The following TRHDE variants were observed in gnomAD, a reference collection of about 807,000 sequenced individuals.
The protein encoded by TRHDE is thyrotropin-releasing hormone-degrading ectoenzyme.
TRHDE carries 72 observed loss-of-function variants against 125.7 expected under a neutral mutation model. The ratio of observed to expected loss-of-function variants is 0.57; its 90% CI spans 0.47 to 0.70. The LOEUF (loss-of-function observed/expected upper bound fraction) is 0.70. Ranked by LOEUF, TRHDE falls within the 30% of genes least tolerant of loss-of-function variation. The pLI is 0.00. For missense variants in TRHDE, 1,110 were observed against 1,327.1 expected (o/e 0.84, Z 2.54); for synonymous variants, 509 against 509.1 (o/e 1.00, Z 0.00).
chr12:72,633,279 T>A (rs1013679744), intron 15 of TRHDE, among the ~76,000 whole-genome samples: 3 of 152,056 alleles, frequency 2.0e-5, no homozygotes, highest in Admixed American at 6.6e-5. Context: ...TCTTTTCATA[T>A]AGAAAGAGCT....
intron 1 of TRHDE, among the ~76,000 whole-genome samples, chr12:72,103,193 G>A (rs1040166381): frequency 3.9e-5 from 6 of 152,130 alleles, no homozygotes; most frequent in Non-Finnish European, 8.8e-5. Flanking sequence ...TAGTGAGTTA[G>A]GATAAAAGTG....
At chr12:72,357,548 T>A (rs1870877794) in intron 2 of TRHDE, among the ~76,000 whole-genome samples, 1 of 151,558 alleles carries the variant, frequency 6.6e-6, no homozygotes, top group South Asian at 2.1e-4. Context: ...ATCTCCTCCT[T>A]TTTAAAGACT....
chr12:72,527,028 C>T (rs1321512275), intron 6 of TRHDE, among the ~76,000 whole-genome samples: 3 of 152,096 alleles, frequency 2.0e-5, no homozygotes, highest in Admixed American at 1.3e-4. Flanking sequence ...GAAATATTTA[C>T]CAAGGATTAG....
intron 13 of TRHDE, among the ~76,000 whole-genome samples, 182 bp downstream of exon 13, chr12:72,619,220 T>C (rs1872947417): frequency 6.6e-6 from 1 of 152,154 alleles, no homozygotes; most frequent in African/African-American, 2.4e-5. Flanking sequence ...AGAAATTTAA[T>C]ACAAAATGCT....
chr12:72,152,323 A>G (rs1876387801), intron 2 of TRHDE, among the ~76,000 whole-genome samples: 1 of 151,810 alleles, frequency 6.6e-6, no homozygotes, highest in Non-Finnish European at 1.5e-5. Flanking sequence ...TTCTAGATAT[A>G]CAATCATGTC....
Position 72,150,111 on chromosome 12 carries a change from T to C in TRHDE, n.279+44359T>C, listed in dbSNP as rs183745976. Among the ~76,000 whole-genome samples the C allele has an allele frequency of 6.6e-5, 10 of 152,306 alleles. No homozygotes were observed. The East Asian group carries it at 7.7e-4, about 12-fold the overall frequency. ...AAGACATTGAAGACCTCAGCTTTTATGGATCTTAAATACTAGAAGGGAAGT... is the reference window on the plus strand; with the variant it reads ...AAGACATTGAAGACCTCAGCTTTTACGGATCTTAAATACTAGAAGGGAAGT... On this transcript the variant is annotated intron_variant and non_coding_transcript_variant, in intron 2 of 4. Transcript: ENST00000548156.
At chr12:72,206,470 G>T (rs1239771049) in intron 2 of TRHDE, among the ~76,000 whole-genome samples, 1 of 152,134 alleles carries the variant, frequency 6.6e-6, no homozygotes. Context: ...TCATAGAGTA[G>T]AAACTTTATT....
intron 6 of TRHDE, among the ~76,000 whole-genome samples, chr12:72,530,416 CTTTT>C (rs71438816): frequency 4.6e-3 from 317 of 68,504 alleles, no homozygotes; most frequent in Middle Eastern, 0.012. Flanking sequence ...TTCCTAGAAG[CTTTT>C]TTTTTTTTTT....
At chr12:72,305,726 A>G (rs1035217366) in intron 2 of TRHDE, among the ~76,000 whole-genome samples, 6 of 152,200 alleles carry the variant, frequency 3.9e-5, no homozygotes, top group African/African-American at 1.4e-4. Context: ...ACAACTCATC[A>G]GTAGTGAGAT....
chr12:72,661,028 C>T (rs1874897447), intron 18 of TRHDE, among the ~76,000 whole-genome samples: 1 of 152,076 alleles, frequency 6.6e-6, no homozygotes, highest in South Asian at 2.1e-4. Context: ...AGAAAGTAGG[C>T]CAGATGTGTT....
At chr12:72,534,208 A>T (rs1868728317) in intron 6 of TRHDE, among the ~76,000 whole-genome samples, 1 of 152,214 alleles carries the variant, frequency 6.6e-6, no homozygotes, top group African/African-American at 2.4e-5. Context: ...AATGTAGTTA[A>T]ATGACCTACA....
Position 72,253,280 on chromosome 12 carries a change from C to T in TRHDE, n.280-124715C>T, listed in dbSNP as rs117638706. ...TATTTTTGTATAATCCATGGGTTTA[C>T]TAAATAGACAATCATGTCATCTGCA... On this transcript the variant is annotated intron_variant and non_coding_transcript_variant, in intron 2 of 4. Transcript: ENST00000548156. Among the ~76,000 whole-genome samples, 1,376 of 152,146 alleles carry T rather than the reference C, an allele frequency of 9.0e-3. 8 individuals carry two copies. The highest frequency in any genetic ancestry group is 0.015 in the Non-Finnish European group (1,030 of 67,940).
At chr12:72,445,861 C>T (rs1410446875) in intron 3 of TRHDE, among the ~76,000 whole-genome samples, 1 of 151,730 alleles carries the variant, frequency 6.6e-6, no homozygotes, top group Non-Finnish European at 1.5e-5. Context: ...TTCTTTTTTC[C>T]CCCCGGCTTT....
intron 6 of TRHDE, among the ~76,000 whole-genome samples, chr12:72,520,502 G>T (rs1879139675): frequency 6.7e-6 from 1 of 149,634 alleles, no homozygotes; most frequent in Non-Finnish European, 1.5e-5. Context: ...GCTTCTGCTT[G>T]CGCACGGTGC....
intron 2 of TRHDE, among the ~76,000 whole-genome samples, chr12:72,325,822 T>A (rs916780837): frequency 2.6e-5 from 4 of 152,212 alleles, no homozygotes; most frequent in Admixed American, 2.0e-4. Context: ...GGGTTTTTTT[T>A]GCTTAAGTTG....
chr12:72,513,090 A>C (rs1431685935), intron 6 of TRHDE, among the ~76,000 whole-genome samples: 1 of 152,156 alleles, frequency 6.6e-6, no homozygotes, highest in Non-Finnish European at 1.5e-5. Flanking sequence ...TACAGTTACC[A>C]ATGTTACACA....
Position 72,089,811 on chromosome 12 carries a change from G to A in TRHDE, n.174+2372G>A, listed in dbSNP as rs532176751. Among the ~76,000 whole-genome samples the A allele has an allele frequency of 1.2e-4, 19 of 152,248 alleles. No individual in the cohort carries two copies. In the East Asian group the frequency reaches 2.7e-3, roughly 22 times the overall value. On this transcript the variant is annotated intron_variant and non_coding_transcript_variant, in intron 1 of 4. Coordinates refer to the TRHDE transcript ENST00000548156. ...TTGCTCCTCTCCCATGCAATGAGAA[G>A]TCTATGTGAACTGGGATCTGCATCT...
At chr12:72,323,460 C>T in intron 2 of TRHDE, among the ~76,000 whole-genome samples, 1 of 152,124 alleles carries the variant, frequency 6.6e-6, no homozygotes, top group East Asian at 1.9e-4. Flanking sequence ...TACTTGCTGT[C>T]ATTCTGGAGC....
chr12:72,266,221 C>A (rs1879065080), intron 2 of TRHDE, among the ~76,000 whole-genome samples: 1 of 151,918 alleles, frequency 6.6e-6, no homozygotes, highest in South Asian at 2.1e-4. Flanking sequence ...TATTTTATGT[C>A]TGTGTGACTT....
Sources: allele counts gnomAD v4.1 joint callset (sites outside exome capture counted in the v4.1 genomes callset), GRCh38; gene constraint gnomAD v4.1.1; transcripts MANE v1.5; gene names NCBI Gene and HGNC (gene_info 2026-07-23, HGNC 2026-07-21).